FAT3: variants seen among roughly 807,000 people sequenced by gnomAD.
The protein encoded by FAT3 is FAT atypical cadherin 3.
FAT3 carries 95 observed loss-of-function variants against 310.2 expected under a neutral mutation model. That is an observed-to-expected ratio of 0.31 (90% CI 0.26 to 0.36). The LOEUF (loss-of-function observed/expected upper bound fraction) is 0.36, where lower values mean the gene tolerates loss of function less well. Ranked by LOEUF, FAT3 falls within the 10% of genes least tolerant of loss-of-function variation. The pLI is 1.00. For missense variants in FAT3, 5,408 were observed against 5,715.6 expected, an observed-to-expected ratio of 0.95 and a Z score of 1.74; for synonymous variants, 2,314 against 2,192.9, an observed-to-expected ratio of 1.06 and a Z score of -1.54.
chr11:92,470,337 A>G (rs1269908858), intron 2 of FAT3, among the ~76,000 whole-genome samples: 1 of 152,224 alleles, frequency 6.6e-6, no homozygotes, highest in South Asian at 2.1e-4. Flanking sequence ...TCTGAGTTGG[A>G]TGTCTTCCAC....
intron 3 of FAT3, among the ~76,000 whole-genome samples, chr11:92,563,747 A>T (rs1052006981): frequency 2.6e-5 from 4 of 152,284 alleles, no homozygotes; most frequent in South Asian, 2.1e-4. Context: ...ATTCTTAAGG[A>T]AAAGAATTTT....
chr11:92,657,801 T>C (rs544939910), intron 3 of FAT3, among the ~76,000 whole-genome samples: 1 of 152,336 alleles, frequency 6.6e-6, no homozygotes, highest in Non-Finnish European at 1.5e-5. Flanking sequence ...TTCATGGCTC[T>C]AAAGCCTGGG....
chr11:92,435,421 A>T (rs570434431), intron 2 of FAT3, among the ~76,000 whole-genome samples: 2 of 152,014 alleles, frequency 1.3e-5, no homozygotes, highest in Admixed American at 6.5e-5. Context: ...GACTTTATTC[A>T]TTAGGACCCT....
At chr11:92,250,129 A>G (rs1450545627) in intron 1 of FAT3, among the ~76,000 whole-genome samples, 1 of 152,136 alleles carries the variant, frequency 6.6e-6, no homozygotes. Context: ...AAATTCTTTT[A>G]TAGATGAATC....
chr11:92,611,027 G>A (rs775957706), intron 3 of FAT3, among the ~76,000 whole-genome samples: 4 of 152,080 alleles, frequency 2.6e-5, no homozygotes, highest in East Asian at 3.9e-4. Flanking sequence ...TCTGCTGGCC[G>A]TTTTATTGTC....
chr11:92,757,420 C>T (rs1401455217), intron 4 of FAT3, among the ~76,000 whole-genome samples: 1 of 152,054 alleles, frequency 6.6e-6, no homozygotes, highest in African/African-American at 2.4e-5. Context: ...AACAATGGTG[C>T]GTTTCTTGCA....
intron 3 of FAT3, among the ~76,000 whole-genome samples, chr11:92,630,605 A>G (rs919501212): frequency 2.6e-5 from 4 of 152,108 alleles, no homozygotes; most frequent in Admixed American, 6.6e-5. Context: ...CTGTCAACCA[A>G]GCTAAAAACC....
chr11:92,884,148 G>A (rs2136422211), intron 24 of FAT3, among the ~76,000 whole-genome samples: 1 of 152,318 alleles, frequency 6.6e-6, no homozygotes, highest in South Asian at 2.1e-4. Flanking sequence ...GTCCTGGGGT[G>A]GGAAGGAGCT....
intron 3 of FAT3, among the ~76,000 whole-genome samples, chr11:92,631,884 T>C (rs1357892346): frequency 1.3e-5 from 2 of 152,168 alleles, no homozygotes; most frequent in Non-Finnish European, 2.9e-5. Flanking sequence ...TTCGATATTA[T>C]GGAAGCCACT....
intron 1 of FAT3, among the ~76,000 whole-genome samples, chr11:92,337,720 C>T (rs1459400119): frequency 2.0e-5 from 3 of 152,220 alleles, no homozygotes; most frequent in African/African-American, 7.2e-5. Flanking sequence ...CGTAAGCCAC[C>T]GCACTTGACG....
intron 4 of FAT3, among the ~76,000 whole-genome samples, chr11:92,743,951 T>C (rs1267690651): frequency 2.0e-5 from 3 of 152,150 alleles, no homozygotes; most frequent in Admixed American, 6.5e-5. Context: ...TCCTACCAGA[T>C]GCATCCCTCA....
chr11:92,550,272 C>T (rs981453287), intron 3 of FAT3, among the ~76,000 whole-genome samples: 1 of 152,038 alleles, frequency 6.6e-6, no homozygotes, highest in African/African-American at 2.4e-5. Context: ...ACTGTATTAC[C>T]ACTCAGTTTA....
chr11:92,286,174 A>C (rs2845877), intron 1 of FAT3, among the ~76,000 whole-genome samples: 1 of 151,988 alleles, frequency 6.6e-6, no homozygotes, highest in Non-Finnish European at 1.5e-5. Flanking sequence ...ACACATTGCC[A>C]GTGATGCTTT....
At chr11:92,370,833 A>G (rs1252560588) in intron 2 of FAT3, among the ~76,000 whole-genome samples, 1 of 152,214 alleles carries the variant, frequency 6.6e-6, no homozygotes, top group Non-Finnish European at 1.5e-5. Context: ...TTCTGTAGGA[A>G]TACAGCATGA....
At chr11:92,276,504 A>G (rs928054369) in intron 1 of FAT3, among the ~76,000 whole-genome samples, 2 of 152,082 alleles carry the variant, frequency 1.3e-5, no homozygotes, top group African/African-American at 4.8e-5. Context: ...GACTTCTGGT[A>G]TGGCTGTGTG....
At chr11:92,258,572 G>T (rs1865407744) in intron 1 of FAT3, among the ~76,000 whole-genome samples, 1 of 152,056 alleles carries the variant, frequency 6.6e-6, no homozygotes, top group African/African-American at 2.4e-5. Context: ...AGTTTTGGTT[G>T]TGTGGAGGAT....
chr11:92,747,197 G>A (rs1945696666), intron 4 of FAT3, among the ~76,000 whole-genome samples: 1 of 152,232 alleles, frequency 6.6e-6, no homozygotes, highest in Non-Finnish European at 1.5e-5. Flanking sequence ...TGGACATCCA[G>A]GCATTTCCAT....
chr11:92,413,798 A>G (rs547161447), intron 2 of FAT3, among the ~76,000 whole-genome samples: 1 of 152,350 alleles, frequency 6.6e-6, no homozygotes, highest in Admixed American at 6.5e-5. Context: ...TTATTTCCAT[A>G]TATGTTGACA....
At chr11:92,853,211 A>G (rs1464904279) in intron 19 of FAT3, among the ~76,000 whole-genome samples, 2 of 152,214 alleles carry the variant, frequency 1.3e-5, no homozygotes, top group East Asian at 3.9e-4. Context: ...TGTGCACAGC[A>G]AGGCACGCCC....
Sources: gnomAD v4.1 joint callset for allele counts (sites outside exome capture counted in the v4.1 genomes callset) on GRCh38, gnomAD v4.1.1 for gene constraint, MANE v1.5 for transcripts, NCBI Gene and HGNC (gene_info 2026-07-23, HGNC 2026-07-21) for gene names.